The following FARS2 variants were observed in gnomAD, a reference collection of about 807,000 sequenced individuals.
FARS2 encodes phenylalanine--tRNA ligase, mitochondrial.
A neutral mutation model predicts 46.4 loss-of-function variants in FARS2; 40 were observed. That is an observed-to-expected ratio of 0.86 (90% confidence interval 0.67 to 1.12). The LOEUF is 1.12. Ranked by LOEUF, FARS2 falls within the 50% of genes most tolerant of loss-of-function variation. FARS2 has a pLI of 0.00. For synonymous variants in FARS2, 234 were observed against 214.9 expected (o/e 1.09, Z -0.78); for missense variants, 513 against 567.9 (o/e 0.90, Z 0.98).
chr6:5,357,354 A>G (rs548238195), intron 1 of FARS2, among the ~76,000 whole-genome samples: 2 of 152,364 alleles, frequency 1.3e-5, no homozygotes, highest in African/African-American at 4.8e-5. Flanking sequence ...TTTTAAGGAT[A>G]GACATATTGT....
At chr6:5,333,349 A>G (rs192557213) in intron 1 of FARS2, among the ~76,000 whole-genome samples, 1 of 152,290 alleles carries the variant, frequency 6.6e-6, no homozygotes, top group Non-Finnish European at 1.5e-5. Context: ...AAGAGGTTGA[A>G]TGAATTTGCT....
chr6:5,674,986 A>G (rs963191510), intron 6 of FARS2, among the ~76,000 whole-genome samples: 1 of 152,144 alleles, frequency 6.6e-6, no homozygotes, highest in Non-Finnish European at 1.5e-5. Flanking sequence ...CCTTTTTACT[A>G]CTGGTCATAC....
intron 1 of FARS2, among the ~76,000 whole-genome samples, chr6:5,318,480 T>G (rs1048590724): frequency 3.3e-5 from 5 of 151,222 alleles, no homozygotes; most frequent in Admixed American, 6.6e-5. Context: ...GCTGGCTGGA[T>G]CTGGTCAGGT....
chr6:5,401,030 A>C (rs1396127536), intron 2 of FARS2, among the ~76,000 whole-genome samples: 1 of 151,926 alleles, frequency 6.6e-6, no homozygotes, highest in Non-Finnish European at 1.5e-5. Flanking sequence ...TATTCTGTCC[A>C]TCCATTTGTT....
intron 1 of FARS2, among the ~76,000 whole-genome samples, chr6:5,347,631 T>C (rs146356701): frequency 6.6e-6 from 1 of 152,318 alleles, no homozygotes; most frequent in African/African-American, 2.4e-5. Context: ...AATATACAAC[T>C]CTTTTTCTTG....
chr6:5,443,789 T>G (rs1004324286), intron 4 of FARS2, among the ~76,000 whole-genome samples: 1 of 152,234 alleles, frequency 6.6e-6, no homozygotes, highest in Non-Finnish European at 1.5e-5. Flanking sequence ...ATATTCTTTT[T>G]CAGCTTACCG....
At chr6:5,277,144 G>A (rs1766391343) in intron 1 of FARS2, among the ~76,000 whole-genome samples, 1 of 152,068 alleles carries the variant, frequency 6.6e-6, no homozygotes, top group African/African-American at 2.4e-5. Flanking sequence ...CAGATAGCGA[G>A]TGCAGCGTCA....
At chr6:5,674,069 T>C (rs1018552662) in intron 6 of FARS2, among the ~76,000 whole-genome samples, 4 of 151,714 alleles carry the variant, frequency 2.6e-5, no homozygotes, top group African/African-American at 9.7e-5. Flanking sequence ...CAGTGTTCGG[T>C]GATCCAGCCA....
intron 4 of FARS2, among the ~76,000 whole-genome samples, chr6:5,507,574 G>A (rs1768173117): frequency 6.6e-6 from 1 of 152,194 alleles, no homozygotes; most frequent in Non-Finnish European, 1.5e-5. Flanking sequence ...TGGAAGGCAG[G>A]GGCTCATGAT....
chr6:5,299,028 A>G (rs533535001), intron 1 of FARS2, among the ~76,000 whole-genome samples: 6 of 152,300 alleles, frequency 3.9e-5, no homozygotes, highest in African/African-American at 1.2e-4. Context: ...GTATGTTTTT[A>G]TATTGAAATG....
intron 6 of FARS2, among the ~76,000 whole-genome samples, chr6:5,726,936 C>T (rs1760304734): frequency 6.6e-6 from 1 of 152,224 alleles, no homozygotes; most frequent in Admixed American, 6.5e-5. Flanking sequence ...AAGTAGCATC[C>T]TTAGGCTATC....
At chr6:5,269,633 T>G (rs1313242553) in intron 1 of FARS2, among the ~76,000 whole-genome samples, 1 of 152,228 alleles carries the variant, frequency 6.6e-6, no homozygotes. Context: ...GTCAGTAGGT[T>G]GTTTACAGAA....
In FARS2 at chr6:5,404,621, A is replaced by T. The variant is rs137910005; in HGVS notation, c.692A>T (p.His231Leu). 8.7e-6 allele frequency: 14 copies of T among 1,613,390 alleles called. No homozygotes were observed. The highest frequency in any genetic ancestry group is 1.2e-5 in the Non-Finnish European group (14 of 1,179,642). Reference protein sequence around the residue: ...SSRSAHKQETHTMEAVKLVEF... With the variant: ...SSRSAHKQETLTMEAVKLVEF... Reference sequence around the variant, plus strand: ...CGCTCTGCGCATAAACAAGAGACACACACCATGGAGGCCGTGAAGCTTGTA... The same window carrying T: ...CGCTCTGCGCATAAACAAGAGACACTCACCATGGAGGCCGTGAAGCTTGTA... Residue 231 changes from histidine to leucine, a missense_variant, in exon 3 of 7, where the codon CAC (histidine) becomes CTC (leucine). His to Leu is a moderately conservative substitution (Grantham distance 99). Coordinates refer to ENST00000274680, the MANE Select transcript of FARS2 (RefSeq NM_006567.5).
intron 1 of FARS2, among the ~76,000 whole-genome samples, chr6:5,312,752 A>G (rs1769171812): frequency 6.6e-6 from 1 of 152,256 alleles, no homozygotes; most frequent in Admixed American, 6.5e-5. Context: ...TTGAGTGCCC[A>G]GTATGTGCAA....
intron 6 of FARS2, among the ~76,000 whole-genome samples, chr6:5,689,164 A>G (rs919219761): frequency 6.6e-6 from 1 of 152,108 alleles, no homozygotes; most frequent in Admixed American, 6.5e-5. Context: ...TCCTGGGTTC[A>G]TTGATTTTTT....
At chr6:5,725,671 C>A (rs1414096728) in intron 6 of FARS2, among the ~76,000 whole-genome samples, 1 of 152,210 alleles carries the variant, frequency 6.6e-6, no homozygotes, top group South Asian at 2.1e-4. Flanking sequence ...CATGGTGGCT[C>A]ACACCTGTAA....
intron 1 of FARS2, among the ~76,000 whole-genome samples, chr6:5,301,784 T>A (rs2127534284): frequency 6.9e-6 from 1 of 144,760 alleles, no homozygotes; most frequent in South Asian, 2.2e-4. Flanking sequence ...CAGAGTAAGA[T>A]GCTATCTCAC....
chr6:5,326,359 T>G (rs1282390954), intron 1 of FARS2, among the ~76,000 whole-genome samples: 1 of 152,204 alleles, frequency 6.6e-6, no homozygotes, highest in Non-Finnish European at 1.5e-5. Flanking sequence ...GCAGGGGCCC[T>G]GACACTTGGT....
At chr6:5,722,476 G>A (rs1445716422) in intron 6 of FARS2, among the ~76,000 whole-genome samples, 1 of 152,344 alleles carries the variant, frequency 6.6e-6, no homozygotes, top group East Asian at 1.9e-4. Flanking sequence ...CAGGTGGGAT[G>A]GCCCTGAAAG....
Sources: allele counts gnomAD v4.1 joint callset (sites outside exome capture counted in the v4.1 genomes callset), GRCh38; gene constraint gnomAD v4.1.1; transcripts MANE v1.5; gene names NCBI Gene and HGNC (gene_info 2026-07-23, HGNC 2026-07-21).